Variants in TMEM117 observed in about 807,000 individuals in gnomAD.
The protein encoded by TMEM117 is transmembrane protein 117.
In TMEM117, 27 loss-of-function variants were observed where a neutral mutation model predicts 52.4. That is an observed-to-expected ratio of 0.51 (90% CI 0.38 to 0.71). TMEM117 has a LOEUF of 0.71. Among genes scored for constraint, TMEM117 ranks in the 30% least tolerant of loss-of-function variants. TMEM117 has a pLI of 0.00. For synonymous variants in TMEM117, 215 were observed against 206.3 expected, an observed-to-expected ratio of 1.04 and a Z score of -0.36; for missense variants, 556 against 630.5, an observed-to-expected ratio of 0.88 and a Z score of 1.26.
chr12:44,321,304 T>G (rs1466834989), intron 6 of TMEM117, among the ~76,000 whole-genome samples: 2 of 152,190 alleles, frequency 1.3e-5, no homozygotes, highest in Admixed American at 6.6e-5. Flanking sequence ...TGAGCCCAGC[T>G]TTTCTTCTGG....
chr12:44,141,324 T>C (rs573083410), intron 3 of TMEM117, among the ~76,000 whole-genome samples: 1 of 152,216 alleles, frequency 6.6e-6, no homozygotes, highest in African/African-American at 2.4e-5. Flanking sequence ...ACAGATTGTT[T>C]CATCACTCAG....
intron 6 of TMEM117, among the ~76,000 whole-genome samples, chr12:44,312,728 C>G (rs982610706): frequency 3.3e-5 from 5 of 152,142 alleles, no homozygotes; most frequent in African/African-American, 1.2e-4. Flanking sequence ...ACATTCCTAC[C>G]GTCAGTACAT....
the TMEM117 span, among the ~76,000 whole-genome samples, chr12:44,398,363 C>A: frequency 6.6e-6 from 1 of 150,608 alleles, no homozygotes; most frequent in African/African-American, 2.5e-5. Flanking sequence ...CCAGAGAAAT[C>A]TGTCCAGTTT....
chr12:44,279,100 C>T (rs958386416), intron 5 of TMEM117, among the ~76,000 whole-genome samples: 1 of 151,972 alleles, frequency 6.6e-6, no homozygotes, highest in Non-Finnish European at 1.5e-5. Context: ...TATAATTGTT[C>T]CTCAAAATAT....
At chr12:44,306,968 T>C (rs1466105247) in intron 6 of TMEM117, among the ~76,000 whole-genome samples, 1 of 152,218 alleles carries the variant, frequency 6.6e-6, no homozygotes, top group Non-Finnish European at 1.5e-5. Flanking sequence ...GTTAATGCAC[T>C]GAAAAAATAA....
Position 44,299,722 on chromosome 12 carries a change from CT to C in TMEM117, c.753del (p.Ile253LeufsTer2), listed in dbSNP as rs758580674. 1.2e-6 allele frequency: 2 copies of C among 1,614,046 alleles called. No homozygotes were observed. The highest frequency in any genetic ancestry group is 2.2e-5 in the South Asian group (2 of 91,076). On this transcript the variant is annotated frameshift_variant, in exon 6 of 8. Coordinates refer to ENST00000266534, the MANE Select transcript of TMEM117 (RefSeq NM_032256.3). LOFTEE classifies it high-confidence loss of function. ...FLASFILVFDLLIVMQDWEFP... is the reference protein window; with the variant it reads ...FLASFILVFDXLIVMQDWEFP... ...TGCTTCTTTTATCTTGGTCTTTGAC[CT>C]TCTTATTGTGATGCAGGTAAGTGTA...
At chr12:43,941,850 T>G (rs1405193749) in intron 2 of TMEM117, among the ~76,000 whole-genome samples, 4 of 152,240 alleles carry the variant, frequency 2.6e-5, no homozygotes, top group Non-Finnish European at 5.9e-5. Context: ...GCCACATCTC[T>G]CTTTTTGCTA....
At chr12:44,132,626 C>G (rs1268823180) in intron 3 of TMEM117, among the ~76,000 whole-genome samples, 1 of 152,130 alleles carries the variant, frequency 6.6e-6, no homozygotes, top group East Asian at 1.9e-4. Flanking sequence ...GAAACTATGA[C>G]CATCCCCGTT....
At chr12:43,987,945 T>C (rs1592418085) in intron 3 of TMEM117, among the ~76,000 whole-genome samples, 1 of 152,142 alleles carries the variant, frequency 6.6e-6, no homozygotes, top group African/African-American at 2.4e-5. Context: ...TGTTTTTAAC[T>C]CTATATAATA....
chr12:43,907,004 G>A (rs1411105209), intron 2 of TMEM117, among the ~76,000 whole-genome samples: 1 of 152,238 alleles, frequency 6.6e-6, no homozygotes, highest in African/African-American at 2.4e-5. Context: ...ACAGCTCAAG[G>A]AGGCCTGCCT....
At chr12:43,843,282 T>C (rs1943146060) in intron 1 of TMEM117, among the ~76,000 whole-genome samples, 1 of 152,204 alleles carries the variant, frequency 6.6e-6, no homozygotes, top group African/African-American at 2.4e-5. Flanking sequence ...TATCTAAGAT[T>C]TAATCAGTGT....
intron 3 of TMEM117, among the ~76,000 whole-genome samples, chr12:44,120,703 T>G (rs1004419919): frequency 6.6e-6 from 1 of 152,162 alleles, no homozygotes; most frequent in African/African-American, 2.4e-5. Flanking sequence ...TGGCCTCATT[T>G]ATCTGCTGAC....
intron 2 of TMEM117, among the ~76,000 whole-genome samples, chr12:43,897,937 G>C (rs1053870900): frequency 6.6e-6 from 1 of 151,994 alleles, no homozygotes; most frequent in Non-Finnish European, 1.5e-5. Context: ...CTTTGTCCAT[G>C]CTTTTTCTCT....
At chr12:44,153,080 A>G (rs1948778658) in intron 4 of TMEM117, among the ~76,000 whole-genome samples, 2 of 151,790 alleles carry the variant, frequency 1.3e-5, no homozygotes, top group Admixed American at 6.6e-5. Flanking sequence ...ATAGCTTCAT[A>G]TTTCAAGTTC....
chr12:44,137,501 T>C (rs1394952626), intron 3 of TMEM117, among the ~76,000 whole-genome samples: 1 of 152,138 alleles, frequency 6.6e-6, no homozygotes, highest in African/African-American at 2.4e-5. Flanking sequence ...GTTCTTCTTA[T>C]CCATGTTGTC....
At chr12:43,975,478 G>A (rs1190531522) in intron 3 of TMEM117, among the ~76,000 whole-genome samples, 1 of 152,126 alleles carries the variant, frequency 6.6e-6, no homozygotes, top group Non-Finnish European at 1.5e-5. Context: ...GACAGTTTAG[G>A]AGGAGAGACA....
intron 3 of TMEM117, among the ~76,000 whole-genome samples, chr12:44,127,431 C>A (rs1485793804): frequency 1.3e-5 from 2 of 151,990 alleles, no homozygotes; most frequent in African/African-American, 4.8e-5. Context: ...TACACCAGAA[C>A]TTTGGGAGGC....
chr12:44,101,889 T>A (rs1947867188), intron 3 of TMEM117, among the ~76,000 whole-genome samples: 1 of 151,988 alleles, frequency 6.6e-6, no homozygotes, highest in Non-Finnish European at 1.5e-5. Context: ...AACTGTAATG[T>A]CTGTATTAAG....
At chr12:44,091,028 G>A (rs760896194) in intron 3 of TMEM117, among the ~76,000 whole-genome samples, 3 of 151,826 alleles carry the variant, frequency 2.0e-5, no homozygotes, top group Non-Finnish European at 2.9e-5. Flanking sequence ...ATATTAGTCC[G>A]TTTTCATGCT....
Sources: allele counts gnomAD v4.1 joint callset (sites outside exome capture counted in the v4.1 genomes callset), GRCh38; gene constraint gnomAD v4.1.1; transcripts MANE v1.5; gene names NCBI Gene and HGNC (gene_info 2026-07-23, HGNC 2026-07-21).